The following WFDC1 variants were observed in gnomAD, a reference collection of about 807,000 sequenced individuals.
WFDC1 encodes the protein WAP four-disulfide core domain 1.
In WFDC1, 39 loss-of-function variants were observed where a neutral mutation model predicts 32.9. The ratio of observed to expected loss-of-function variants is 1.19; its 90% CI spans 0.92 to 1.55. The LOEUF is 1.55. Ranked by LOEUF, WFDC1 falls within the 40% of genes most tolerant of loss-of-function variation. The pLI, the probability that WFDC1 is intolerant of heterozygous loss-of-function variation, is 0.00. For synonymous variants in WFDC1, 184 were observed against 137.4 expected, an observed-to-expected ratio of 1.34 and a Z score of -2.37; for missense variants, 386 against 309.5, an observed-to-expected ratio of 1.25 and a Z score of -1.85.
At chr16:84,302,832 C>A in intron 1 of WFDC1, among the ~76,000 whole-genome samples, 1 of 152,234 alleles carries the variant, frequency 6.6e-6, no homozygotes, top group South Asian at 2.1e-4. Flanking sequence ...ATTTCCAGCC[C>A]AGCGCCCGAA....
intron 1 of WFDC1, 189 bp downstream of exon 1, chr16:84,295,304 C>A: frequency 1.6e-6 from 1 of 633,034 alleles, no homozygotes; most frequent in South Asian, 2.4e-5. Context: ...AAAAAGGACC[C>A]TTATCTGTGA....
chr16:84,316,924 G>C (rs1907983787), intron 2 of WFDC1: 1 of 151,756 alleles, frequency 6.6e-6, no homozygotes, highest in African/African-American at 2.4e-5. Flanking sequence ...GTTGCAATGA[G>C]CCAAGATTGC....
intron 2 of WFDC1, chr16:84,318,016 T>C: frequency 2.5e-6 from 1 of 404,066 alleles, no homozygotes; most frequent in Non-Finnish European, 4.7e-6. Flanking sequence ...GGAAGTTGCA[T>C]GGTCACTGCT....
chr16:84,295,645 G>A (rs527641830), intron 1 of WFDC1: 1 of 156,768 alleles, frequency 6.4e-6, no homozygotes, highest in Non-Finnish European at 1.4e-5. Flanking sequence ...CGTGGCCGAG[G>A]TGCAGAGGCA....
chr16:84,316,978 C>CA lies in WFDC1; in HGVS notation c.338-1282dup, dbSNP rs578019368. 292 of 133,660 alleles carry CA rather than the reference C, an allele frequency of 2.2e-3. 4 individuals carry two copies. The highest frequency in any genetic ancestry group is 0.013 in the East Asian group (60 of 4,626). 8.3% of individuals were successfully genotyped at this position (133,660 alleles called of 1,614,324 possible). On this transcript the variant is annotated intron_variant, in intron 2 of 6. Coordinates refer to ENST00000219454, the MANE Select transcript of WFDC1 (RefSeq NM_021197.4). Reference sequence around the variant, plus strand: ...GGGCGACAAGAGTGAAACTTTGTCTCAAAAAAAAAAAAGAAAAAAATACAG... The same window carrying CA: ...GGGCGACAAGAGTGAAACTTTGTCTCAAAAAAAAAAAAAGAAAAAAATACAG...
At chr16:84,304,874 G>A (rs1236050381) in intron 1 of WFDC1, among the ~76,000 whole-genome samples, 1 of 152,220 alleles carries the variant, frequency 6.6e-6, no homozygotes, top group Non-Finnish European at 1.5e-5. Flanking sequence ...TGGGCCACAG[G>A]AGGGCAGAGG....
At chr16:84,314,657 G>A (rs1475219510) in intron 2 of WFDC1, among the ~76,000 whole-genome samples, 1 of 152,306 alleles carries the variant, frequency 6.6e-6, no homozygotes, top group African/African-American at 2.4e-5. Context: ...GACAGACAGG[G>A]ACTATTTCAG....
chr16:84,297,645 A>AAAAAATAGAAC (rs1567648478), intron 1 of WFDC1, among the ~76,000 whole-genome samples: 2 of 136,110 alleles, frequency 1.5e-5, no homozygotes, highest in Non-Finnish European at 1.6e-5. Context: ...AAAAAAAAAA[A>AAAAAATAGAAC]AACTGTGCCT....
At chr16:84,325,031 A>G (rs982123018) in intron 5 of WFDC1, among the ~76,000 whole-genome samples, 1 of 149,642 alleles carries the variant, frequency 6.7e-6, no homozygotes, top group African/African-American at 2.5e-5. Flanking sequence ...ATCCATCCAC[A>G]TATTCATCTA....
chr16:84,312,001 A>G (rs1420550527), intron 1 of WFDC1, among the ~76,000 whole-genome samples: 1 of 152,026 alleles, frequency 6.6e-6, no homozygotes, highest in East Asian at 1.9e-4. Context: ...CCCTGTCTCT[A>G]CTAAAAATAC....
chr16:84,304,046 C>G (rs1907101803), intron 1 of WFDC1, among the ~76,000 whole-genome samples: 1 of 152,202 alleles, frequency 6.6e-6, no homozygotes, highest in African/African-American at 2.4e-5. Flanking sequence ...GCCTGGTGTT[C>G]TCTGTGCCTT....
rs75706380 is a variant in WFDC1 at position 84,313,169 on chromosome 16, G to C, written c.337+16G>C. On this transcript the variant is annotated intron_variant, in intron 2 of 6. Transcript: ENST00000219454. ...CCCCCGCCAGGTAGGTCCTGGGCCC[G>C]AGGGAGGGGGCTGAGGGAGGAGGAC... is the stretch of plus-strand genomic sequence containing the variant. 1.7e-3 allele frequency: 2,386 copies of C among 1,406,160 alleles called. 40 individuals are homozygous for C. In the African/African-American group the frequency reaches 0.031, roughly 19 times the overall value. 87.1% of individuals were successfully genotyped at this position (1,406,160 alleles called of 1,614,324 possible). A position where few individuals can be genotyped will look rare whatever the true frequency, so the allele number is the denominator to read the frequency against.
At chr16:84,320,565 T>C (rs1368383483) in intron 4 of WFDC1, among the ~76,000 whole-genome samples, 2 of 152,228 alleles carry the variant, frequency 1.3e-5, no homozygotes, top group African/African-American at 2.4e-5. Flanking sequence ...TTCCTGGTGG[T>C]ATCTAAAACC....
intron 1 of WFDC1, among the ~76,000 whole-genome samples, chr16:84,302,552 C>T (rs1037649637): frequency 1.3e-5 from 2 of 152,006 alleles, no homozygotes; most frequent in Non-Finnish European, 2.9e-5. Context: ...AGCTTCACGC[C>T]CATCTCCTCC....
chr16:84,318,686 C>G (rs1402913199), intron 3 of WFDC1: 2 of 256,026 alleles, frequency 7.8e-6, no homozygotes, highest in Non-Finnish European at 1.6e-5. Context: ...ATGATGAAGC[C>G]TCCCTGGGGG....
chr16:84,318,379 C>A, intron 3 of WFDC1, 24 bp downstream of exon 3: 1 of 1,610,984 alleles, frequency 6.2e-7, no homozygotes, highest in Non-Finnish European at 8.5e-7. Context: ...AAAGCCCAGA[C>A]CCTACATCCA....
At chr16:84,309,923 G>A (rs1907512940) in intron 1 of WFDC1, among the ~76,000 whole-genome samples, 1 of 152,012 alleles carries the variant, frequency 6.6e-6, no homozygotes, top group Non-Finnish European at 1.5e-5. Context: ...AGACACTTGT[G>A]ACTGGATTTA....
Position 84,319,492 on chromosome 16 carries a change from G to A in WFDC1, c.483G>A (p.Glu161=), listed in dbSNP as rs1258788407. Residue 161 remains glutamate, a synonymous_variant, in exon 4 of 7, where the codon GAG becomes GAA. Coordinates refer to ENST00000219454, the MANE Select transcript of WFDC1 (RefSeq NM_021197.4). ...AEPLLCPSGY[E]CHILSPGDVA... is the part of the protein sequence containing the mutation. ...CCCTGCTCTGTCCCTCGGGCTATGAGTGCCACATCCTGAGCCCAGGTGACG... is the reference window on the plus strand; with the variant it reads ...CCCTGCTCTGTCCCTCGGGCTATGAATGCCACATCCTGAGCCCAGGTGACG... The A allele has an allele frequency of 6.2e-7, 1 of 1,612,794 alleles. No homozygotes were observed. The highest frequency in any genetic ancestry group is 1.1e-5 in the South Asian group (1 of 91,088).
intron 3 of WFDC1, chr16:84,318,908 ATTTGTGTGTGTGTG>A (rs1908125408): frequency 9.4e-6 from 1 of 106,002 alleles, no homozygotes; most frequent in Non-Finnish European, 1.7e-5. Flanking sequence ...GTGGCTGAAT[ATTTGTGTGTGTGTG>A]TGTGTGTGTG....
Sources: gnomAD v4.1 joint callset for allele counts (sites outside exome capture counted in the v4.1 genomes callset) on GRCh38, gnomAD v4.1.1 for gene constraint, MANE v1.5 for transcripts, NCBI Gene and HGNC (gene_info 2026-07-23, HGNC 2026-07-21) for gene names.